STX2: variants seen among roughly 807,000 people sequenced by gnomAD.
STX2 encodes syntaxin 2.
STX2 carries 27 observed loss-of-function variants against 40.6 expected under a neutral mutation model. The ratio of observed to expected loss-of-function variants is 0.66; its 90% CI spans 0.49 to 0.92. STX2 has a LOEUF of 0.92. Among genes scored for constraint, STX2 ranks in the 40% least tolerant of loss-of-function variants. The pLI, the probability that STX2 is intolerant of heterozygous loss-of-function variation, is 0.00. For synonymous variants in STX2, 123 were observed against 119.1 expected, an observed-to-expected ratio of 1.03 and a Z score of -0.22; for missense variants, 328 against 366.1, an observed-to-expected ratio of 0.90 and a Z score of 0.85.
intron 3 of STX2, among the ~76,000 whole-genome samples, chr12:130,813,885 G>A (rs968942180): frequency 4.6e-5 from 7 of 152,208 alleles, no homozygotes; most frequent in African/African-American, 1.7e-4. Context: ...GTTTTAGAGA[G>A]TCCTGCACTT....
At chr12:130,804,699 G>A (rs1349320070) in intron 6 of STX2, among the ~76,000 whole-genome samples, 1 of 151,892 alleles carries the variant, frequency 6.6e-6, no homozygotes, top group East Asian at 1.9e-4. Flanking sequence ...CAGCCTTTGG[G>A]GGTGAGTTTG....
Position 130,790,490 on chromosome 12 carries a change from A to G in STX2, c.*1533T>C, listed in dbSNP as rs1012601212. 12 of 152,232 alleles carry G rather than the reference A, an allele frequency of 7.9e-5. No individual in the cohort carries two copies. Among genetic ancestry groups the G allele is most frequent in the Non-Finnish European group, 1.5e-4 (10 of 68,034 alleles). 9.4% of individuals were successfully genotyped at this position (152,232 alleles called of 1,614,324 possible). ...TTAACAGATGTCCGCTCACCAGTTC[A>G]TACATTTTACAAGTCTAAAAATAAG... On this transcript the variant is annotated 3_prime_UTR_variant, in exon 11 of 11. Coordinates refer to ENST00000392373, the MANE Select transcript of STX2 (RefSeq NM_194356.4).
intron 1 of STX2, among the ~76,000 whole-genome samples, chr12:130,831,638 CAAAT>C (rs1350573913): frequency 6.6e-6 from 1 of 152,124 alleles, no homozygotes; most frequent in African/African-American, 2.4e-5. Flanking sequence ...TCTCAAAAAA[CAAAT>C]AAATAAATAT....
chr12:130,838,681 C>G (rs1012001808), intron 1 of STX2, among the ~76,000 whole-genome samples: 1 of 152,206 alleles, frequency 6.6e-6, no homozygotes, highest in Non-Finnish European at 1.5e-5. Flanking sequence ...CACAGTTAGG[C>G]CAGTGGGCTC....
chr12:130,827,365 A>C, intron 1 of STX2, 98 bp from the exon 2 acceptor site: 43 of 856,270 alleles, frequency 5.0e-5, no homozygotes, highest in Non-Finnish European at 7.0e-5. Flanking sequence ...ACAAGATCTC[A>C]ACTCACTACA....
At chr12:130,795,225 A>C (rs1554806) in intron 10 of STX2, among the ~76,000 whole-genome samples, 149,315 of 152,304 alleles carry the variant, frequency 0.98, 73,259 homozygotes, top group East Asian at 1. Context: ...AGGTCGAAGG[A>C]TGTTCCTTTC....
At chr12:130,837,106 C>CTT (rs71951784) in intron 1 of STX2, among the ~76,000 whole-genome samples, 59 of 139,846 alleles carry the variant, frequency 4.2e-4, no homozygotes, top group African/African-American at 1.3e-3. Flanking sequence ...TGACATTGAG[C>CTT]TTTTTTTTTT....
intron 4 of STX2, chr12:130,810,618 G>A (rs1366963667): frequency 6.6e-6 from 1 of 152,188 alleles, no homozygotes; most frequent in East Asian, 1.9e-4. Flanking sequence ...CTACCAAAAG[G>A]ACTCAAGAGT....
At chr12:130,834,173 C>T (rs888342896) in intron 1 of STX2, among the ~76,000 whole-genome samples, 11 of 151,990 alleles carry the variant, frequency 7.2e-5, no homozygotes, top group African/African-American at 1.9e-4. Context: ...CACCTGAGGT[C>T]GGGAGTTCGA....
intron 1 of STX2, among the ~76,000 whole-genome samples, chr12:130,832,416 TACAC>T (rs1475951205): frequency 6.6e-6 from 1 of 152,062 alleles, no homozygotes; most frequent in African/African-American, 2.4e-5. Context: ...TTCTGGAACA[TACAC>T]ACACATGCAG....
At chr12:130,812,749 C>A (rs1040755826) in intron 4 of STX2, 13 of 435,076 alleles carry the variant, frequency 3.0e-5, no homozygotes, top group Middle Eastern at 6.2e-4. Context: ...GAAATGTCAT[C>A]AAAAATGTAA....
At chr12:130,820,283 A>T (rs1308980357) in intron 3 of STX2, among the ~76,000 whole-genome samples, 1 of 152,244 alleles carries the variant, frequency 6.6e-6, no homozygotes, top group East Asian at 1.9e-4. Flanking sequence ...GAATATCAGA[A>T]TTAATAACTG....
intron 3 of STX2, among the ~76,000 whole-genome samples, chr12:130,820,034 T>C (rs1167856639): frequency 2.0e-5 from 3 of 152,218 alleles, no homozygotes; most frequent in Non-Finnish European, 4.4e-5. Context: ...TACTTTCTTA[T>C]TTTTTCAACG....
chr12:130,836,672 G>A (rs1952764960), intron 1 of STX2, among the ~76,000 whole-genome samples: 1 of 152,128 alleles, frequency 6.6e-6, no homozygotes, highest in Non-Finnish European at 1.5e-5. Context: ...CCTTCTCCCA[G>A]AGCTTCACAC....
Position 130,790,649 on chromosome 12 carries a change from T to C in STX2, c.*1374A>G, listed in dbSNP as rs751838942. 6.6e-6 allele frequency: 1 copy of C among 152,254 alleles called. No homozygotes were observed. The highest frequency in any genetic ancestry group is 1.5e-5 in the Non-Finnish European group (1 of 68,046). The allele number at this position is 152,254 out of a possible 1,614,324, so 9.4% of individuals were successfully genotyped here. On this transcript the variant is annotated 3_prime_UTR_variant, in exon 11 of 11. Transcript: ENST00000392373. ...ACAACATGTATGTGGATCTGTACAA[T>C]AGTTTAAATTTGTAAGAATTACTCC...
intron 4 of STX2, chr12:130,810,931 T>G (rs2040201677): frequency 6.6e-6 from 1 of 152,192 alleles, no homozygotes; most frequent in Non-Finnish European, 1.5e-5. Context: ...ATTTTGCTGA[T>G]TTCACCCTGC....
chr12:130,829,441 C>T (rs184379307), intron 1 of STX2, among the ~76,000 whole-genome samples: 2 of 152,338 alleles, frequency 1.3e-5, no homozygotes, highest in Admixed American at 1.3e-4. Context: ...TGTGATTCCA[C>T]ACACCCTGCT....
intron 1 of STX2, among the ~76,000 whole-genome samples, 161 bp from the exon 2 acceptor site, chr12:130,827,428 C>T (rs1012301590): frequency 2.6e-5 from 4 of 152,150 alleles, no homozygotes; most frequent in East Asian, 1.9e-4. Flanking sequence ...AACTGAACTC[C>T]GCAACATTTT....
intron 8 of STX2, among the ~76,000 whole-genome samples, chr12:130,800,095 C>T (rs552093929): frequency 2.0e-4 from 30 of 152,208 alleles, no homozygotes; most frequent in African/African-American, 6.3e-4. Flanking sequence ...ATAAATGCTT[C>T]CGCTTCACCT....
Sources: allele counts gnomAD v4.1 joint callset (sites outside exome capture counted in the v4.1 genomes callset), GRCh38; gene constraint gnomAD v4.1.1; transcripts MANE v1.5; gene names NCBI Gene and HGNC (gene_info 2026-07-23, HGNC 2026-07-21).